DNM3: variants seen among roughly 807,000 people sequenced by gnomAD.
DNM3 encodes the protein dynamin 3, also known as dynamin-3.
A neutral mutation model predicts 101.6 loss-of-function variants in DNM3; 47 were observed. That is an observed-to-expected ratio of 0.46 (90% CI 0.37 to 0.59). The LOEUF is 0.59. Among genes scored for constraint, DNM3 ranks in the 20% least tolerant of loss-of-function variants. The pLI, the probability that DNM3 is intolerant of heterozygous loss-of-function variation, is 0.00. For missense variants in DNM3, 849 were observed against 1,085.7 expected (o/e 0.78, Z 3.06); for synonymous variants, 385 against 387.9 (o/e 0.99, Z 0.09).
intron 14 of DNM3, among the ~76,000 whole-genome samples, chr1:172,188,682 G>T (rs1396508733): frequency 6.6e-6 from 1 of 151,896 alleles, no homozygotes. Context: ...AATTCATTTG[G>T]GTGAATACCT....
At chr1:171,879,420 T>C (rs1009378938) in intron 1 of DNM3, among the ~76,000 whole-genome samples, 1 of 152,228 alleles carries the variant, frequency 6.6e-6, no homozygotes, top group Admixed American at 6.5e-5. Context: ...TTTACATTAT[T>C]TTGAATGTTT....
chr1:172,274,765 G>A (rs2063217971), intron 15 of DNM3, among the ~76,000 whole-genome samples: 1 of 144,558 alleles, frequency 6.9e-6, no homozygotes, highest in African/African-American at 2.6e-5. Flanking sequence ...GCAGATCAAT[G>A]CAAGGTCCTA....
intron 14 of DNM3, among the ~76,000 whole-genome samples, chr1:172,148,855 A>G (rs573039238): frequency 6.6e-6 from 1 of 152,068 alleles, no homozygotes; most frequent in Non-Finnish European, 1.5e-5. Context: ...AGGAATAGAT[A>G]TGTTGTAGCA....
intron 17 of DNM3, among the ~76,000 whole-genome samples, chr1:172,361,521 CAGGGT>C: frequency 6.6e-6 from 1 of 152,068 alleles, no homozygotes; most frequent in South Asian, 2.1e-4. Flanking sequence ...CTCTTTACTG[CAGGGT>C]TCTCAAACTG....
chr1:171,975,400 T>C (rs2044299282), intron 2 of DNM3, among the ~76,000 whole-genome samples: 2 of 152,354 alleles, frequency 1.3e-5, no homozygotes, highest in South Asian at 4.1e-4. Flanking sequence ...TACCAAGTTA[T>C]ACTGTACTGA....
intron 4 of DNM3, among the ~76,000 whole-genome samples, chr1:171,996,929 G>A (rs1246534329): frequency 2.0e-5 from 3 of 152,054 alleles, no homozygotes; most frequent in Non-Finnish European, 2.9e-5. Flanking sequence ...CTACTTGGGA[G>A]ACTAAAGTGG....
intron 13 of DNM3, among the ~76,000 whole-genome samples, chr1:172,126,633 G>A (rs1206986325): frequency 6.6e-5 from 10 of 152,024 alleles, no homozygotes; most frequent in Admixed American, 5.9e-4. Flanking sequence ...ATCTAATGGT[G>A]CCAGTAAGAT....
chr1:172,138,969 G>A, intron 14 of DNM3: 1 of 470,204 alleles, frequency 2.1e-6, no homozygotes, highest in Non-Finnish European at 4.4e-6. Context: ...TTCCAGATTT[G>A]GTGATTTTGG....
At chr1:172,101,091 CT>C (rs1441355488) in intron 13 of DNM3, among the ~76,000 whole-genome samples, 4 of 152,158 alleles carry the variant, frequency 2.6e-5, no homozygotes, top group Non-Finnish European at 2.9e-5. Context: ...GCCTCTCCCC[CT>C]GAAAGAGCTA....
chr1:172,040,323 C>G (rs920776081), intron 7 of DNM3, among the ~76,000 whole-genome samples: 1 of 152,130 alleles, frequency 6.6e-6, no homozygotes, highest in African/African-American at 2.4e-5. Context: ...TTTGCAGCTA[C>G]TTTTCATTCA....
chr1:172,380,772 T>C (rs2068851379), intron 18 of DNM3: 1 of 152,020 alleles, frequency 6.6e-6, no homozygotes, highest in East Asian at 1.9e-4. Context: ...GAATTCAGGT[T>C]GTTTTGCTGT....
At chr1:171,977,036 G>A (rs2044426101) in intron 2 of DNM3, among the ~76,000 whole-genome samples, 1 of 151,852 alleles carries the variant, frequency 6.6e-6, no homozygotes, top group Non-Finnish European at 1.5e-5. Context: ...ATTTTTATTT[G>A]GCAGATCATC....
chr1:172,388,440 A>G, intron 19 of DNM3, 133 bp from the exon 20 acceptor site: 2 of 777,030 alleles, frequency 2.6e-6, no homozygotes, highest in South Asian at 3.6e-5. Flanking sequence ...TATCCCTTTG[A>G]CTTTCATGAC....
chr1:172,092,992 G>A, intron 13 of DNM3, 117 bp downstream of exon 13: 2 of 922,822 alleles, frequency 2.2e-6, no homozygotes, highest in Non-Finnish European at 3.1e-6. Flanking sequence ...TTGAAATGCA[G>A]CTTTCATTTT....
intron 4 of DNM3, among the ~76,000 whole-genome samples, chr1:172,006,178 C>A (rs1376525913): frequency 1.3e-5 from 2 of 152,074 alleles, no homozygotes; most frequent in African/African-American, 4.8e-5. Context: ...ACAGGGCAGG[C>A]AATTATGAAG....
chr1:172,352,946 A>T (rs1183874986), intron 17 of DNM3, among the ~76,000 whole-genome samples: 1 of 152,164 alleles, frequency 6.6e-6, no homozygotes, highest in African/African-American at 2.4e-5. Flanking sequence ...GGATCTGATC[A>T]TTTCACTTTC....
At chr1:171,911,818 G>A (rs1055941363) in intron 1 of DNM3, among the ~76,000 whole-genome samples, 1 of 152,064 alleles carries the variant, frequency 6.6e-6, no homozygotes, top group Non-Finnish European at 1.5e-5. Flanking sequence ...TTCTCTTGCT[G>A]TTGCTTCTTC....
intron 14 of DNM3, among the ~76,000 whole-genome samples, chr1:172,219,722 C>T (rs1284773120): frequency 6.6e-6 from 1 of 152,268 alleles, no homozygotes; most frequent in Admixed American, 6.5e-5. Context: ...ATGGAGAGCA[C>T]TCTTCCATGC....
intron 1 of DNM3, among the ~76,000 whole-genome samples, chr1:171,909,431 C>T (rs1390168643): frequency 1.5e-5 from 2 of 136,244 alleles, no homozygotes; most frequent in African/African-American, 5.7e-5. Context: ...GAGTGAGACT[C>T]TGTCTTAAAA....
Sources: allele counts gnomAD v4.1 joint callset (sites outside exome capture counted in the v4.1 genomes callset), GRCh38; gene constraint gnomAD v4.1.1; transcripts MANE v1.5; gene names NCBI Gene and HGNC (gene_info 2026-07-23, HGNC 2026-07-21).